VWA3B: variants seen among roughly 807,000 people sequenced by gnomAD.
VWA3B encodes the protein von Willebrand factor A domain-containing protein 3B.
Under a neutral mutation model 158.3 loss-of-function variants are expected in VWA3B, and 138 were observed. That is an observed-to-expected ratio of 0.87 (90% CI 0.76 to 1.00). VWA3B has a LOEUF of 1.00. VWA3B is among the 50% of genes least tolerant of loss of function. The pLI is 0.00. For missense variants in VWA3B, 1,555 were observed against 1,565.1 expected (o/e 0.99, Z 0.11); for synonymous variants, 596 against 587.3 (o/e 1.01, Z -0.21).
rs190521991 is a variant in VWA3B, at chr2:98,139,527, C to T, written c.988+5588C>T. On this transcript the variant is annotated intron_variant, in intron 7 of 27. Coordinates refer to ENST00000477737, the MANE Select transcript of VWA3B (RefSeq NM_144992.5). Reference sequence around the variant, plus strand: ...GCTCAGGGATTGTAAATACACCAATCGGCACTCTGTGTCTAGCTCAAGGTT... The same window carrying T: ...GCTCAGGGATTGTAAATACACCAATTGGCACTCTGTGTCTAGCTCAAGGTT... Among the ~76,000 whole-genome samples, 3 of 152,256 alleles carry T rather than the reference C, an allele frequency of 2.0e-5. No homozygotes were observed. The East Asian group carries it at 5.8e-4, about 29-fold the overall frequency.
chr2:98,302,363 T>G (rs1690252000), intron 25 of VWA3B, among the ~76,000 whole-genome samples: 2 of 152,228 alleles, frequency 1.3e-5, no homozygotes, highest in African/African-American at 4.8e-5. Context: ...TGTTCACCTT[T>G]GTCCCTCCCA....
At chr2:98,322,370 C>T in the VWA3B span, among the ~76,000 whole-genome samples, 1 of 152,106 alleles carries the variant, frequency 6.6e-6, no homozygotes, top group Non-Finnish European at 1.5e-5. Context: ...CTCAAGGTGC[C>T]AGAAATAAGA....
chr2:98,219,349 G>A (rs141243310), intron 14 of VWA3B, among the ~76,000 whole-genome samples: 95 of 152,178 alleles, frequency 6.2e-4, no homozygotes, highest in Middle Eastern at 3.4e-3. Context: ...CAGACATTGC[G>A]TAACACAAAA....
intron 12 of VWA3B, among the ~76,000 whole-genome samples, chr2:98,203,587 A>T (rs1420463135): frequency 2.0e-5 from 3 of 152,208 alleles, no homozygotes; most frequent in African/African-American, 7.2e-5. Flanking sequence ...CTGAGTATTT[A>T]GGTCTTTGAT....
intron 14 of VWA3B, among the ~76,000 whole-genome samples, chr2:98,218,325 T>C (rs1325444136): frequency 6.6e-6 from 1 of 152,202 alleles, no homozygotes; most frequent in Non-Finnish European, 1.5e-5. Flanking sequence ...TTCTAAACTT[T>C]TTATTACAGA....
In VWA3B at chr2:98,115,654, T is replaced by C. The variant is rs1464998297; in HGVS notation, c.199T>C (p.Tyr67His). 3.1e-6 allele frequency: 5 copies of C among 1,613,354 alleles called. No homozygotes were observed. The highest frequency in any genetic ancestry group is 2.5e-6 in the Non-Finnish European group (3 of 1,179,718). ...TGTTTTTCTTTATAAAAATGCAGATTATGTGGCGTCTCTGGGGAGACCTGT... is the reference window on the plus strand; with the variant it reads ...TGTTTTTCTTTATAAAAATGCAGATCATGTGGCGTCTCTGGGGAGACCTGT... ...SQIGFPHCED[Y>H]VASLGRPVAS... The change falls in exon 3 of 28, where the codon TAT becomes CAT. Residue 67 changes from tyrosine to histidine, a missense_variant and splice_region_variant. By Grantham distance (83) the Tyr-to-His change is moderately conservative. Transcript: ENST00000477737.
In VWA3B at chr2:98,206,476, T is replaced by C. The variant is rs1683033212; in HGVS notation, c.1738-5454T>C. 5.2e-6 allele frequency: 2 copies of C among 381,166 alleles called. 1 individual carries two copies. Among genetic ancestry groups the C allele is most frequent in the Non-Finnish European group, 1.0e-5 (2 of 190,782 alleles). 23.6% of individuals were successfully genotyped at this position (381,166 alleles called of 1,614,324 possible). A position where few individuals can be genotyped will look rare whatever the true frequency, so the allele number is the denominator to read the frequency against. ...CATTTGGGTGAGAGCACAGTAAGGA[T>C]TATGCTATGAATGGTACAGAAGGCT... is the stretch of plus-strand genomic sequence containing the variant. On this transcript the variant is annotated intron_variant, in intron 12 of 27. Transcript: ENST00000477737.
downstream of VWA3B, among the ~76,000 whole-genome samples, chr2:98,314,289 C>T (rs1427926334): frequency 6.6e-6 from 1 of 152,074 alleles, no homozygotes; most frequent in Non-Finnish European, 1.5e-5. Flanking sequence ...GCGGAGTGGC[C>T]CTCTTCAGTC....
chr2:98,311,743 G>T lies in VWA3B; in HGVS notation c.3522-76G>T, dbSNP rs963936816. The T allele has an allele frequency of 4.8e-6, 7 of 1,450,196 alleles. No individual in the cohort carries two copies. The African/African-American group carries it at 1.0e-4, about 21-fold the overall frequency. The allele number at this position is 1,450,196 out of a possible 1,614,324, so 89.8% of individuals were successfully genotyped here. The stretch of plus-strand genomic sequence containing the variant: ...GTGGGCAAGGAGCTGAGAAGCAGCC[G>T]TGGGGATGGCTTGGACATCTCTGTA... On this transcript the variant is annotated intron_variant, in intron 26 of 27. Coordinates refer to ENST00000477737, the MANE Select transcript of VWA3B (RefSeq NM_144992.5).
chr2:98,155,531 G>A (rs1451713739), intron 7 of VWA3B, among the ~76,000 whole-genome samples: 1 of 152,120 alleles, frequency 6.6e-6, no homozygotes, highest in Non-Finnish European at 1.5e-5. Flanking sequence ...CTGTAAAACG[G>A]GGATGATGAT....
chr2:98,198,455 A>G (rs894130032), intron 12 of VWA3B, among the ~76,000 whole-genome samples: 10 of 152,210 alleles, frequency 6.6e-5, no homozygotes, highest in Middle Eastern at 3.4e-3. Flanking sequence ...TATGTCATTC[A>G]TTAGTGACAC....
chr2:98,231,416 C>T (rs561401333), intron 16 of VWA3B, among the ~76,000 whole-genome samples: 1 of 152,258 alleles, frequency 6.6e-6, no homozygotes, highest in South Asian at 2.1e-4. Flanking sequence ...GTGGTATTAG[C>T]AGAGGGATAG....
chr2:98,162,144 G>T, intron 7 of VWA3B, among the ~76,000 whole-genome samples: 1 of 152,102 alleles, frequency 6.6e-6, no homozygotes, highest in East Asian at 1.9e-4. Context: ...ACCACAGAGT[G>T]CACATCCATT....
At chr2:98,188,682 T>C (rs1344033110) in intron 10 of VWA3B, among the ~76,000 whole-genome samples, 2 of 152,238 alleles carry the variant, frequency 1.3e-5, no homozygotes, top group Non-Finnish European at 2.9e-5. Flanking sequence ...TTTATTCTTT[T>C]GTATGGTTTA....
intron 2 of VWA3B, among the ~76,000 whole-genome samples, chr2:98,107,573 T>C (rs1673771572): frequency 6.6e-6 from 1 of 152,158 alleles, no homozygotes; most frequent in Non-Finnish European, 1.5e-5. Context: ...GATATAGGAC[T>C]AGTCAAATTA....
intron 19 of VWA3B, among the ~76,000 whole-genome samples, chr2:98,238,124 T>A (rs933099347): frequency 3.9e-5 from 6 of 152,186 alleles, no homozygotes; most frequent in Admixed American, 3.9e-4. Context: ...AATTGGTGAA[T>A]TTTATTCTAT....
At chr2:98,237,892 T>C (rs1685808894) in intron 19 of VWA3B, among the ~76,000 whole-genome samples, 1 of 151,708 alleles carries the variant, frequency 6.6e-6, no homozygotes. Flanking sequence ...CGGGGGAGAG[T>C]AGATGAAATA....
intron 7 of VWA3B, among the ~76,000 whole-genome samples, chr2:98,136,311 A>G (rs1676279258): frequency 6.6e-6 from 1 of 152,186 alleles, no homozygotes; most frequent in South Asian, 2.1e-4. Flanking sequence ...CCATTGTTGT[A>G]CACCCATCAC....
chr2:98,156,041 G>C (rs1189134825), intron 7 of VWA3B, among the ~76,000 whole-genome samples: 1 of 152,196 alleles, frequency 6.6e-6, no homozygotes, highest in Non-Finnish European at 1.5e-5. Flanking sequence ...GAATGAGTCT[G>C]GGGTGGGGCC....
Sources: allele counts gnomAD v4.1 joint callset (sites outside exome capture counted in the v4.1 genomes callset), GRCh38; gene constraint gnomAD v4.1.1; transcripts MANE v1.5; gene names NCBI Gene and HGNC (gene_info 2026-07-23, HGNC 2026-07-21).